Variants in NLRP12 observed in about 807,000 individuals in gnomAD.
NLRP12 encodes NLR family pyrin domain containing 12, also known as NACHT, LRR and PYD domains-containing protein 12.
Under a neutral mutation model 91.2 loss-of-function variants are expected in NLRP12, and 108 were observed. The ratio of observed to expected loss-of-function variants is 1.18; its 90% CI spans 1.01 to 1.39. The LOEUF (loss-of-function observed/expected upper bound fraction) is 1.39. NLRP12 is among the 40% of genes most tolerant of loss of function. The probability of loss-of-function intolerance (pLI) is 0.00; values close to 1 mark genes in which losing one functional copy is unlikely to be tolerated. For synonymous variants in NLRP12, 613 were observed against 566.7 expected, an observed-to-expected ratio of 1.08 and a Z score of -1.16; for missense variants, 1,530 against 1,352.7, an observed-to-expected ratio of 1.13 and a Z score of -2.06.
chr19:53,808,686 T>A (rs1568673700), intron 3 of NLRP12: 1 of 152,042 alleles, frequency 6.6e-6, no homozygotes, highest in African/African-American at 2.4e-5. Context: ...AGAGCCACAC[T>A]CTCTCAAGAA....
In NLRP12 at chr19:53,806,865, T is replaced by TAA. The variant is rs199586270; in HGVS notation, c.2243+628_2243+629dup. 5.1e-3 allele frequency among the ~76,000 whole-genome samples: 696 copies of TAA among 137,630 alleles called. 2 individuals are homozygous for TAA. Among genetic ancestry groups the TAA allele is most frequent in the African/African-American group, 0.015 (555 of 36,812 alleles). 90.3% of individuals were successfully genotyped at this position (137,630 alleles called of 152,430 possible). On this transcript the variant is annotated intron_variant, in intron 4 of 9. Coordinates refer to ENST00000324134, the MANE Select transcript of NLRP12 (RefSeq NM_144687.4). ...AGAGCATATCAGTGTCTCAAAAATTTAAAAAAAAAAAAAGTAAAAAAAAGA... is the reference window on the plus strand; with the variant it reads ...AGAGCATATCAGTGTCTCAAAAATTTAAAAAAAAAAAAAAAGTAAAAAAAAGA...
chr19:53,820,203 C>T (rs1007787138), intron 1 of NLRP12, among the ~76,000 whole-genome samples: 3 of 152,028 alleles, frequency 2.0e-5, no homozygotes, highest in African/African-American at 7.2e-5. Context: ...GTCCATGTCA[C>T]AGTAGAGAAA....
chr19:53,808,231 T>A (rs2091994684), intron 3 of NLRP12: 1 of 184,440 alleles, frequency 5.4e-6, no homozygotes, highest in African/African-American at 2.4e-5. Flanking sequence ...CTAATTTATT[T>A]TATATTTTTA....
chr19:53,823,259 AT>A (rs1188731226), intron 1 of NLRP12, among the ~76,000 whole-genome samples: 1 of 141,002 alleles, frequency 7.1e-6, no homozygotes, highest in Non-Finnish European at 1.5e-5. Context: ...TATAATATTT[AT>A]TATTTATATA....
Position 53,807,525 on chromosome 19 carries a change from C to T in NLRP12, c.2213G>A (p.Arg738Lys). ...GTTCTGAAGTTTGCAGTTGGGGTGT[C>T]TGAGTCCTTGACAGAGCAGCTTCAC... ...RGVKLLCQGLRHPNCKLQNLR... is the reference protein window; with the variant it reads ...RGVKLLCQGLKHPNCKLQNLR... Residue 738 changes from arginine (R) to lysine (K), a missense_variant, in exon 4 of 10, where the codon AGA becomes AAA. Coordinates refer to ENST00000324134, the MANE Select transcript of NLRP12 (RefSeq NM_144687.4). The T allele has an allele frequency of 6.2e-7, 1 of 1,614,110 alleles. No individual in the cohort carries two copies. Among genetic ancestry groups the T allele is most frequent in the Non-Finnish European group, 8.5e-7 (1 of 1,180,014 alleles).
At position 53,807,797 on chromosome 19, in the gene NLRP12, C is replaced by T. The variant is rs2091986599; in HGVS notation, c.2073-132G>A. 4.7e-6 allele frequency: 5 copies of T among 1,058,512 alleles called. No individual in the cohort carries two copies. In the Admixed American group the frequency reaches 5.9e-5, roughly 13 times the overall value. The allele number at this position is 1,058,512 out of a possible 1,614,324, so 65.6% of individuals were successfully genotyped here. On this transcript the variant is annotated intron_variant, in intron 3 of 9. Coordinates refer to ENST00000324134, the MANE Select transcript of NLRP12 (RefSeq NM_144687.4). ...CGGAGTTTCGCTCTTGTTGCCCAGG[C>T]TGGAGTGCAATGGCGCAATCTCAGC...
chr19:53,813,299 C>CTT (rs1160039078), intron 2 of NLRP12, among the ~76,000 whole-genome samples: 5,842 of 85,942 alleles, frequency 0.068, 519 homozygotes, highest in African/African-American at 0.1. Context: ...TTTTTCTTTT[C>CTT]TTTTTTTTTT....
intron 1 of NLRP12, among the ~76,000 whole-genome samples, chr19:53,821,224 G>C (rs1392062176): frequency 6.6e-6 from 1 of 151,572 alleles, no homozygotes; most frequent in Non-Finnish European, 1.5e-5. Context: ...TTTTAGTAGA[G>C]ACAGGGTTTC....
intron 9 of NLRP12, among the ~76,000 whole-genome samples, chr19:53,795,558 T>C (rs905027459): frequency 2.7e-5 from 4 of 150,022 alleles, no homozygotes; most frequent in Non-Finnish European, 5.9e-5. Flanking sequence ...GTGTTTTTAT[T>C]AGAGACGGGG....
intron 9 of NLRP12, among the ~76,000 whole-genome samples, chr19:53,795,126 G>A (rs1600666854): frequency 6.6e-6 from 1 of 151,296 alleles, no homozygotes; most frequent in South Asian, 2.1e-4. Flanking sequence ...GTGTGTGTGT[G>A]TGTGTGTGTG....
intron 8 of NLRP12, 123 bp downstream of exon 8, chr19:53,798,120 T>C (rs1430550274): frequency 4.5e-6 from 5 of 1,118,966 alleles, no homozygotes; most frequent in Non-Finnish European, 5.4e-6. Context: ...TCCACCTCTC[T>C]TCTTGCTACC....
rs368652250 is a variant in NLRP12, at chr19:53,811,304, G to A, written c.371-16C>T. ...TCCTGGGGATCTAGGGGAGAGGAAT[G>A]AAGGTTTTGTGGAAGACTCATCAGC... On this transcript the variant is annotated splice_polypyrimidine_tract_variant and intron_variant, in intron 2 of 9. Transcript: ENST00000324134. The A allele has an allele frequency of 1.2e-6, 2 of 1,613,452 alleles. No homozygotes were observed. Among genetic ancestry groups the A allele is most frequent in the Admixed American group, 3.3e-5 (2 of 59,966 alleles).
chr19:53,810,272 A>C lies in NLRP12; in HGVS notation c.1387T>G (p.Ser463Ala). 1 of 1,614,014 alleles carries C rather than the reference A, an allele frequency of 6.2e-7. No individual in the cohort carries two copies. The highest frequency in any genetic ancestry group is 8.5e-7 in the Non-Finnish European group (1 of 1,180,022). Residue 463 changes from serine (S) to alanine (A), a missense_variant, in exon 3 of 10, where the codon TCC becomes GCC. Transcript: ENST00000324134. Reference protein sequence around the residue: ...QPPPNQRGLCSLAADGLWNQK... With the variant: ...QPPPNQRGLCALAADGLWNQK... Reference sequence around the variant, plus strand: ...TTCCAGAGCCCATCTGCCGCCAAGGAGCACAACCCTCTCTGGTTGGGTGGG... The same window carrying C: ...TTCCAGAGCCCATCTGCCGCCAAGGCGCACAACCCTCTCTGGTTGGGTGGG...
rs1443243829 is a variant in NLRP12 at position 53,809,936 on chromosome 19, G to A, written c.1723C>T (p.Leu575=). The change falls in exon 3 of 10, where the codon CTG becomes TTG. Residue 575 remains leucine, a synonymous_variant. Coordinates refer to ENST00000324134, the MANE Select transcript of NLRP12 (RefSeq NM_144687.4). The stretch of plus-strand genomic sequence containing the variant: ...ACCTTCCAGCAGAGACTCTTCTCCA[G>A]GTGGCTCCTGGTCTCCTCGTTCAGG... ...GLLNEETRSH[L]EKSLCWKVSP... 1.2e-6 allele frequency: 2 copies of A among 1,613,948 alleles called. No individual in the cohort carries two copies. Among genetic ancestry groups the A allele is most frequent in the African/African-American group, 2.7e-5 (2 of 74,906 alleles).
intron 6 of NLRP12, among the ~76,000 whole-genome samples, chr19:53,802,632 G>A (rs944315763): frequency 2.0e-5 from 3 of 151,328 alleles, no homozygotes; most frequent in African/African-American, 4.9e-5. Flanking sequence ...GTGTGAACCC[G>A]GGAGGCGGAG....
intron 9 of NLRP12, among the ~76,000 whole-genome samples, chr19:53,795,193 T>C (rs1409403022): frequency 6.6e-6 from 1 of 150,596 alleles, no homozygotes; most frequent in Non-Finnish European, 1.5e-5. Context: ...ACAGGCGCCA[T>C]CCCCTGCACC....
chr19:53,812,901 GAC>G (rs2092099033), intron 2 of NLRP12, among the ~76,000 whole-genome samples: 1 of 117,800 alleles, frequency 8.5e-6, no homozygotes, highest in Admixed American at 1.0e-4. Flanking sequence ...TTTTTTTTGA[GAC>G]AGAGTGTTGC....
chr19:53,798,520 T>C, intron 7 of NLRP12, 107 bp from the exon 8 acceptor site: 1 of 1,073,092 alleles, frequency 9.3e-7, no homozygotes. Flanking sequence ...AGGGACAGAC[T>C]CAATCTCTAC....
rs2091919920 is a variant in NLRP12 at position 53,804,270 on chromosome 19, G to A, written c.2415-148C>T. 9.0e-6 allele frequency: 8 copies of A among 886,928 alleles called. No individual in the cohort carries two copies. In the East Asian group the frequency reaches 1.1e-4, roughly 12 times the overall value. The allele number at this position is 886,928 out of a possible 1,614,324, so 54.9% of individuals were successfully genotyped here. A position where few individuals can be genotyped will look rare whatever the true frequency, so the allele number is the denominator to read the frequency against. On this transcript the variant is annotated intron_variant, in intron 5 of 9. Coordinates refer to ENST00000324134, the MANE Select transcript of NLRP12 (RefSeq NM_144687.4). ...TTCAGTGGAGTGATATCAACTCGCT[G>A]AAGCCTCGACCTCCAGGCTCCCGTG...
Sources: gnomAD v4.1 joint callset for allele counts (sites outside exome capture counted in the v4.1 genomes callset) on GRCh38, gnomAD v4.1.1 for gene constraint, MANE v1.5 for transcripts, NCBI Gene and HGNC (gene_info 2026-07-23, HGNC 2026-07-21) for gene names.